Variants in MYO10 observed in about 807,000 individuals in gnomAD.
The protein encoded by MYO10 is myosin X.
In MYO10, 133 loss-of-function variants were observed where a neutral mutation model predicts 257.3. That is an observed-to-expected ratio of 0.52 (90% confidence interval 0.45 to 0.60). The LOEUF is 0.60. MYO10 is among the 20% of genes least tolerant of loss of function. The pLI is 0.00. For missense variants in MYO10, 2,399 were observed against 2,635.7 expected, an observed-to-expected ratio of 0.91 and a Z score of 1.97; for synonymous variants, 1,104 against 1,028.6, an observed-to-expected ratio of 1.07 and a Z score of -1.40.
At chr5:16,894,818 A>G (rs2126778293) in intron 1 of MYO10, among the ~76,000 whole-genome samples, 1 of 152,262 alleles carries the variant, frequency 6.6e-6, no homozygotes, top group East Asian at 1.9e-4. Context: ...TGAGGGATGA[A>G]TAGGAGAAGC....
chr5:16,737,165 G>C (rs958914178), intron 19 of MYO10, among the ~76,000 whole-genome samples: 7 of 152,160 alleles, frequency 4.6e-5, no homozygotes, highest in African/African-American at 1.7e-4. Context: ...AATGTGGAGG[G>C]TGAGGGGAAA....
intron 1 of MYO10, among the ~76,000 whole-genome samples, chr5:16,890,816 G>T (rs1745027562): frequency 6.6e-6 from 1 of 151,584 alleles, no homozygotes; most frequent in Admixed American, 6.6e-5. Flanking sequence ...TTCCAGCCTG[G>T]GCGGCAGAGC....
At chr5:16,800,957 A>G (rs914546778) in intron 3 of MYO10, among the ~76,000 whole-genome samples, 1 of 152,184 alleles carries the variant, frequency 6.6e-6, no homozygotes, top group African/African-American at 2.4e-5. Flanking sequence ...TTTTCCAAAA[A>G]GATTTGTATT....
At chr5:16,727,871 A>G (rs1739432898) in intron 19 of MYO10, among the ~76,000 whole-genome samples, 1 of 130,616 alleles carries the variant, frequency 7.7e-6, no homozygotes, top group African/African-American at 3.3e-5. Flanking sequence ...CCTTCCCCCC[A>G]GCCCAAAAAA....
At chr5:16,797,983 G>A (rs2126684662) in intron 3 of MYO10, among the ~76,000 whole-genome samples, 1 of 152,354 alleles carries the variant, frequency 6.6e-6, no homozygotes, top group East Asian at 1.9e-4. Flanking sequence ...TCTCATAATG[G>A]ATTAATGCCA....
Position 16,668,443 on chromosome 5 carries a change from T to C in MYO10, c.5909A>G (p.Glu1970Gly). 1 of 1,610,810 alleles carries C rather than the reference T, an allele frequency of 6.2e-7. No individual in the cohort carries two copies. The change falls in exon 40 of 41, where the codon GAA (glutamate) becomes GGA (glycine). Residue 1970 changes from glutamate (E) to glycine (G), a missense_variant. Coordinates refer to ENST00000513610, the MANE Select transcript of MYO10 (RefSeq NM_012334.3). The stretch of plus-strand genomic sequence containing the variant: ...GTCCGCGCTGACACCCAACCAGAGT[T>C]CCTGAGGGAAGCCACCTTCCTTGCA... ...VECKEGGFPQ[E>G]LWLGVSADAV...
At chr5:16,855,534 C>T (rs1021674944) in intron 2 of MYO10, among the ~76,000 whole-genome samples, 2 of 152,194 alleles carry the variant, frequency 1.3e-5, no homozygotes, top group African/African-American at 4.8e-5. Context: ...GTTGAAATAG[C>T]TGCAAATTTT....
At chr5:16,773,479 T>A (rs1404077550) in intron 9 of MYO10, among the ~76,000 whole-genome samples, 1 of 151,940 alleles carries the variant, frequency 6.6e-6, no homozygotes, top group Non-Finnish European at 1.5e-5. Flanking sequence ...CCTGGCAACA[T>A]AGCAAGAACC....
chr5:16,682,473 A>G (rs183240185), intron 30 of MYO10, among the ~76,000 whole-genome samples: 155 of 152,302 alleles, frequency 1.0e-3, no homozygotes, highest in Non-Finnish European at 1.6e-3. Flanking sequence ...CGCTTTATAC[A>G]AAAAGCCACC....
rs754247064 is a variant in MYO10, at chr5:16,680,059, A to C, written c.4430T>G (p.Leu1477Arg). 1 of 1,613,810 alleles carries C rather than the reference A, an allele frequency of 6.2e-7. No homozygotes were observed. The highest frequency in any genetic ancestry group is 8.5e-7 in the Non-Finnish European group (1 of 1,179,800). ...TVYGRKHCYR[L>R]YTKLLNEATR... ...GGCCTCGTTGAGCAGCTTGGTGTAGAGCCGGTAACAGTGCTTGCGCCCGTA... is the reference window on the plus strand; with the variant it reads ...GGCCTCGTTGAGCAGCTTGGTGTAGCGCCGGTAACAGTGCTTGCGCCCGTA... The change falls in exon 33 of 41, where the codon CTC becomes CGC. Residue 1477 changes from leucine (L) to arginine (R), a missense_variant. Transcript: ENST00000513610.
At chr5:16,929,576 T>C (rs1047615933) in intron 1 of MYO10, among the ~76,000 whole-genome samples, 2 of 152,182 alleles carry the variant, frequency 1.3e-5, no homozygotes, top group African/African-American at 4.8e-5. Flanking sequence ...TGTGCCTCAC[T>C]TTCTTCATCT....
chr5:16,673,693 T>C lies in MYO10; in HGVS notation c.5161A>G (p.Thr1721Ala), dbSNP rs1295352921. ...CTGCCTCTCCTCACCTCCCCAGCGG[T>C]GGTGTGGGAGTTGATGGTGATCTTG... is the stretch of plus-strand genomic sequence containing the variant. Reference protein sequence around the residue: ...SCKITINSHTTAGEVVEKLIR... With the variant: ...SCKITINSHTAAGEVVEKLIR... Residue 1721 changes from threonine to alanine, a missense_variant, in exon 36 of 41, where the codon ACC (threonine) becomes GCC (alanine). Thr to Ala is a moderately conservative substitution (Grantham distance 58). Transcript: ENST00000513610. 2.5e-6 allele frequency: 4 copies of C among 1,613,164 alleles called. No individual in the cohort carries two copies. The South Asian group carries it at 4.4e-5, about 18-fold the overall frequency.
chr5:16,900,260 A>G (rs1580130589), intron 1 of MYO10, among the ~76,000 whole-genome samples: 1 of 152,338 alleles, frequency 6.6e-6, no homozygotes, highest in East Asian at 1.9e-4. Flanking sequence ...AAATAGCAGA[A>G]AAATATGTGC....
At chr5:16,761,579 A>G in intron 16 of MYO10, 33 bp from the exon 17 acceptor site, 1 of 1,501,854 alleles carries the variant, frequency 6.7e-7, no homozygotes, top group Non-Finnish European at 9.3e-7. Context: ...GAGAAAACTG[A>G]TTGAAAGAAT....
chr5:16,783,269 T>C (rs1268830047), intron 5 of MYO10, 66 bp downstream of exon 5: 3 of 1,438,382 alleles, frequency 2.1e-6, no homozygotes, highest in Non-Finnish European at 2.8e-6. Context: ...TTAACTCTTC[T>C]TTAAATAAGC....
At chr5:16,883,210 CG>C (rs1439046750) in intron 1 of MYO10, among the ~76,000 whole-genome samples, 12 of 152,246 alleles carry the variant, frequency 7.9e-5, no homozygotes, top group African/African-American at 2.9e-4. Flanking sequence ...CCACCGCGCC[CG>C]GCCATCATTT....
intron 1 of MYO10, among the ~76,000 whole-genome samples, chr5:16,881,196 T>C (rs889132295): frequency 1.3e-5 from 2 of 152,190 alleles, no homozygotes; most frequent in Non-Finnish European, 2.9e-5. Flanking sequence ...CCAATCAAAA[T>C]TGTCTATTTA....
chr5:16,783,524 TC>T (rs1485430597), intron 4 of MYO10, 55 bp from the exon 5 acceptor site: 1 of 1,533,690 alleles, frequency 6.5e-7, no homozygotes, highest in Non-Finnish European at 8.8e-7. Context: ...TAAAAAAAAA[TC>T]AGCTTTGGTC....
In MYO10 at chr5:16,701,291, T is replaced by C; in HGVS notation, c.3104A>G (p.Tyr1035Cys). Residue 1035 changes from tyrosine (Y) to cysteine (C), a missense_variant, in exon 25 of 41, where the codon TAC becomes TGC. By Grantham distance (194) the Tyr-to-Cys change is radical. Coordinates refer to ENST00000513610, the MANE Select transcript of MYO10 (RefSeq NM_012334.3). The surrounding 1 kb of genome is among the most constrained non-coding windows in gnomAD (Gnocchi z 8.1). ...TSDDSSEEDPYMNDTVVPTSP... is the reference protein window; with the variant it reads ...TSDDSSEEDPCMNDTVVPTSP... Reference sequence around the variant, plus strand: ...GGTGGGCACCACCGTGTCGTTCATGTATGGGTCCTCCTCTGAAGAGTCATC... The same window carrying C: ...GGTGGGCACCACCGTGTCGTTCATGCATGGGTCCTCCTCTGAAGAGTCATC... The C allele has an allele frequency of 1.2e-6, 2 of 1,613,844 alleles. No individual in the cohort carries two copies. Among genetic ancestry groups the C allele is most frequent in the Non-Finnish European group, 1.7e-6 (2 of 1,179,844 alleles).
Sources: allele counts gnomAD v4.1 joint callset (sites outside exome capture counted in the v4.1 genomes callset), GRCh38; gene constraint gnomAD v4.1.1; non-coding constraint Gnocchi (gnomAD v3.1); transcripts MANE v1.5; gene names NCBI Gene and HGNC (gene_info 2026-07-23, HGNC 2026-07-21).